The following MTTP variants were observed in gnomAD, a reference collection of about 807,000 sequenced individuals.
The protein encoded by MTTP is microsomal triglyceride transfer protein large subunit.
Under a neutral mutation model 90.6 loss-of-function variants are expected in MTTP, and 49 were observed. The observed-to-expected ratio is 0.54, with a 90% confidence interval of 0.43 to 0.69. MTTP has a LOEUF of 0.69. MTTP is among the 30% of genes least tolerant of loss of function. The pLI is 0.00. For synonymous variants in MTTP, 347 were observed against 384.2 expected (o/e 0.90, Z 1.13); for missense variants, 945 against 1,067.5 (o/e 0.89, Z 1.60).
At chr4:99,601,847 T>C in intron 10 of MTTP, 133 bp downstream of exon 10, 1 of 727,634 alleles carries the variant, frequency 1.4e-6, no homozygotes, top group Non-Finnish European at 2.5e-6. Flanking sequence ...ATAGCAATTT[T>C]TGCCATCTAA....
chr4:99,615,869 C>G (rs1726086225), intron 15 of MTTP, among the ~76,000 whole-genome samples: 1 of 152,126 alleles, frequency 6.6e-6, no homozygotes. Context: ...ACTTATGGGA[C>G]CAAGAGGATC....
At position 99,576,565 on chromosome 4, in the gene MTTP, G is replaced by A. The variant is rs559831317; in HGVS notation, c.61+1595G>A. Among the ~76,000 whole-genome samples, 22 of 150,174 alleles carry A rather than the reference G, an allele frequency of 1.5e-4. No individual in the cohort carries two copies. The South Asian group carries it at 2.7e-3, about 19-fold the overall frequency. ...AAAAAATTAGCCGGGCGTAGTGGCG[G>A]GCGCCTGTAGTCCCAGCTACTTGGG... is the stretch of plus-strand genomic sequence containing the variant. On this transcript the variant is annotated intron_variant, in intron 1 of 17. Coordinates refer to ENST00000265517, the MANE Select transcript of MTTP (RefSeq NM_001386140.1).
At chr4:99,607,289 T>A (rs1412260020) in intron 11 of MTTP, among the ~76,000 whole-genome samples, 1 of 152,242 alleles carries the variant, frequency 6.6e-6, no homozygotes, top group Admixed American at 6.5e-5. Flanking sequence ...AAGTATAACT[T>A]TGTTTGTTAC....
chr4:99,601,528 G>A (rs1725696920), intron 9 of MTTP, 79 bp from the exon 10 acceptor site: 1 of 1,135,084 alleles, frequency 8.8e-7, no homozygotes, highest in Admixed American at 1.7e-5. Context: ...CCAAGTATGT[G>A]TTTATTTTTT....
At chr4:99,595,556 G>A (rs924169108) in intron 7 of MTTP, 1 of 154,958 alleles carries the variant, frequency 6.5e-6, no homozygotes, top group Non-Finnish European at 1.4e-5. Flanking sequence ...TTCATGCTCT[G>A]TGTGTAACTA....
At chr4:99,617,341 A>G (rs1227271586) in intron 15 of MTTP, among the ~76,000 whole-genome samples, 1 of 152,210 alleles carries the variant, frequency 6.6e-6, no homozygotes, top group Non-Finnish European at 1.5e-5. Flanking sequence ...TCAGACTGAA[A>G]GTAGCTTCAT....
chr4:99,575,843 A>G (rs973228579), intron 1 of MTTP, among the ~76,000 whole-genome samples: 1 of 152,214 alleles, frequency 6.6e-6, no homozygotes, highest in African/African-American at 2.4e-5. Context: ...ATAGCGTTAT[A>G]GGGACCAATT....
chr4:99,587,030 T>C (rs1490111659), intron 3 of MTTP, among the ~76,000 whole-genome samples: 1 of 152,218 alleles, frequency 6.6e-6, no homozygotes, highest in African/African-American at 2.4e-5. Context: ...CATTGCTGAA[T>C]GAAGTAATCA....
chr4:99,607,639 A>G (rs1042075450), intron 11 of MTTP, among the ~76,000 whole-genome samples: 1 of 152,250 alleles, frequency 6.6e-6, no homozygotes, highest in South Asian at 2.1e-4. Context: ...ATATTTATAA[A>G]TGCTTAGTAT....
chr4:99,587,041 A>G (rs1681021362), intron 3 of MTTP, among the ~76,000 whole-genome samples: 1 of 152,218 alleles, frequency 6.6e-6, no homozygotes, highest in African/African-American at 2.4e-5. Context: ...GAAGTAATCA[A>G]CTTTATGGCC....
chr4:99,571,275 C>A (rs1724836654), upstream of MTTP, among the ~76,000 whole-genome samples: 1 of 151,832 alleles, frequency 6.6e-6, no homozygotes, highest in Non-Finnish European at 1.5e-5. Flanking sequence ...ATCGTATATA[C>A]TTTAAAAGGA....
At chr4:99,608,628 C>G in intron 11 of MTTP, 138 bp from the exon 12 acceptor site, 1 of 749,288 alleles carries the variant, frequency 1.3e-6, no homozygotes, top group Non-Finnish European at 2.3e-6. Context: ...CACGTGGCCC[C>G]CACCAAATCA....
intron 3 of MTTP, among the ~76,000 whole-genome samples, chr4:99,587,465 C>G (rs1312276465): frequency 6.6e-6 from 1 of 152,130 alleles, no homozygotes; most frequent in Non-Finnish European, 1.5e-5. Flanking sequence ...ATCCAGAGGT[C>G]AAGATCAAAA....
At chr4:99,580,297 C>A (rs889664937) in intron 1 of MTTP, among the ~76,000 whole-genome samples, 4 of 151,298 alleles carry the variant, frequency 2.6e-5, no homozygotes, top group Admixed American at 2.6e-4. Flanking sequence ...ATCATATCTC[C>A]AGCCAGACGT....
chr4:99,618,423 C>T (rs1025940851), intron 15 of MTTP, among the ~76,000 whole-genome samples: 2 of 152,210 alleles, frequency 1.3e-5, no homozygotes, highest in Non-Finnish European at 1.5e-5. Flanking sequence ...CGAGAGATCA[C>T]CTGATCCAAA....
chr4:99,614,765 G>T (rs530412710), intron 15 of MTTP, among the ~76,000 whole-genome samples: 1 of 152,158 alleles, frequency 6.6e-6, no homozygotes, highest in African/African-American at 2.4e-5. Flanking sequence ...TTCAAGAATT[G>T]TTTGGAATCC....
At chr4:99,575,042 G>A (rs1724923376) in intron 1 of MTTP, 72 bp downstream of exon 1, 6 of 1,481,248 alleles carry the variant, frequency 4.1e-6, no homozygotes, top group African/African-American at 1.4e-5. Flanking sequence ...GTGCGTGTGT[G>A]TGTGTTTGTG....
At chr4:99,611,266 C>T (rs1461732713) in intron 13 of MTTP, 26 bp downstream of exon 13, 14 of 1,613,702 alleles carry the variant, frequency 8.7e-6, no homozygotes, top group Non-Finnish European at 1.2e-5. Flanking sequence ...AGAGGTTCTC[C>T]TTCCATACCC....
chr4:99,606,656 G>A (rs1360870640), intron 10 of MTTP, 92 bp from the exon 11 acceptor site: 6 of 1,284,194 alleles, frequency 4.7e-6, no homozygotes. Flanking sequence ...AAAACTGTAG[G>A]TTGCTTTCTT....
Sources: gnomAD v4.1 joint callset for allele counts (sites outside exome capture counted in the v4.1 genomes callset) on GRCh38, gnomAD v4.1.1 for gene constraint, MANE v1.5 for transcripts, NCBI Gene and HGNC (gene_info 2026-07-23, HGNC 2026-07-21) for gene names.